The following PRKCI variants were observed in gnomAD, a reference collection of about 807,000 sequenced individuals.
The protein encoded by PRKCI is protein kinase C iota type.
PRKCI carries 43 observed loss-of-function variants against 84.0 expected under a neutral mutation model. The ratio of observed to expected loss-of-function variants is 0.51; its 90% CI spans 0.40 to 0.66. The LOEUF is 0.66. PRKCI is among the 30% of genes least tolerant of loss of function. PRKCI has a pLI of 0.00. For synonymous variants in PRKCI, 216 were observed against 234.4 expected (o/e 0.92, Z 0.72); for missense variants, 459 against 745.6 (o/e 0.62, Z 4.48).
intron 2 of PRKCI, among the ~76,000 whole-genome samples, chr3:170,248,341 C>T (rs2108843042): frequency 6.7e-6 from 1 of 149,030 alleles, no homozygotes; most frequent in South Asian, 2.2e-4. Context: ...AGAACAACAG[C>T]AGCAACAAAA....
Position 170,275,279 on chromosome 3 carries a change from G to T in PRKCI, c.697G>T (p.Glu233Ter). The part of the protein sequence containing the change: ...SHESLDQVGE[E>*]KEAMNTRESG... The stretch of plus-strand genomic sequence containing the variant: ...TGAGAGTTTGGATCAAGTTGGTGAA[G>T]AAAAAGAGGTAAGATAATTTGTCTT... The change falls in exon 8 of 18, where the codon GAA becomes TAA. Residue 233 changes from glutamate (E) to a stop codon, truncating the protein, a stop_gained. Coordinates refer to ENST00000295797, the MANE Select transcript of PRKCI (RefSeq NM_002740.6). LOFTEE classifies it high-confidence loss of function. 1.9e-6 allele frequency: 3 copies of T among 1,592,112 alleles called. No homozygotes were observed. Among genetic ancestry groups the T allele is most frequent in the Non-Finnish European group, 1.7e-6 (2 of 1,170,980 alleles).
intron 7 of PRKCI, 91 bp from the exon 8 acceptor site, chr3:170,275,138 C>T: frequency 1.5e-6 from 2 of 1,347,082 alleles, no homozygotes; most frequent in South Asian, 1.9e-5. Flanking sequence ...AATCAGGAGA[C>T]AATTTTTATT....
chr3:170,250,969 T>C (rs961915519), intron 2 of PRKCI, among the ~76,000 whole-genome samples: 1 of 152,164 alleles, frequency 6.6e-6, no homozygotes, highest in African/African-American at 2.4e-5. Flanking sequence ...TACTAAGACT[T>C]ATAAAATGAG....
intron 16 of PRKCI, 29 bp downstream of exon 16, chr3:170,297,422 A>G: frequency 1.3e-6 from 2 of 1,546,418 alleles, no homozygotes; most frequent in Non-Finnish European, 1.8e-6. Context: ...CTCAACTATT[A>G]GGTTTCATTA....
In PRKCI at chr3:170,275,205, T is replaced by A. The variant is rs745873821; in HGVS notation, c.647-24T>A. ...CCTGCACCTTTTTTTTTTTTTTTTT[T>A]AATGTTTGGTATTGGGTTTTTAGTA... On this transcript the variant is annotated intron_variant, in intron 7 of 17. Transcript: ENST00000295797. The A allele has an allele frequency of 3.9e-5, 58 of 1,482,956 alleles. No homozygotes were observed. In the African/African-American group the frequency reaches 4.1e-4, roughly 10 times the overall value. The allele number at this position is 1,482,956 out of a possible 1,614,324, so 91.9% of individuals were successfully genotyped here.
intron 4 of PRKCI, among the ~76,000 whole-genome samples, chr3:170,263,664 G>C (rs1013856270): frequency 6.6e-6 from 1 of 152,094 alleles, no homozygotes; most frequent in African/African-American, 2.4e-5. Context: ...AATTAGCATG[G>C]TGTGTGCCTA....
At chr3:170,258,821 CTCTG>C (rs1733651979) in intron 2 of PRKCI, among the ~76,000 whole-genome samples, 1 of 152,160 alleles carries the variant, frequency 6.6e-6, no homozygotes, top group South Asian at 2.1e-4. Context: ...TTTGAGGAGG[CTCTG>C]TCATGTGAAA....
intron 15 of PRKCI, among the ~76,000 whole-genome samples, chr3:170,296,456 A>G (rs375448282): frequency 1.2e-4 from 18 of 152,174 alleles, no homozygotes; most frequent in Admixed American, 3.9e-4. Context: ...ATGAAATGCT[A>G]TCTTTGGCTC....
chr3:170,252,265 A>G (rs1467773387), intron 2 of PRKCI, among the ~76,000 whole-genome samples: 1 of 151,470 alleles, frequency 6.6e-6, no homozygotes, highest in Non-Finnish European at 1.5e-5. Context: ...GAATGAATGT[A>G]TGTGTCATAA....
At chr3:170,251,146 A>G (rs1441103255) in intron 2 of PRKCI, among the ~76,000 whole-genome samples, 2 of 152,200 alleles carry the variant, frequency 1.3e-5, no homozygotes, top group Non-Finnish European at 2.9e-5. Context: ...GAAACAAGAA[A>G]CTCAATTGAG....
At chr3:170,235,769 G>C (rs1732958756) in intron 2 of PRKCI, among the ~76,000 whole-genome samples, 1 of 151,898 alleles carries the variant, frequency 6.6e-6, no homozygotes, top group African/African-American at 2.4e-5. Context: ...GTTTCGCTAT[G>C]TTGGCCAAGC....
At chr3:170,228,394 A>G (rs77448098) in intron 1 of PRKCI, among the ~76,000 whole-genome samples, 7,748 of 152,134 alleles carry the variant, frequency 0.051, 404 homozygotes, top group African/African-American at 0.12. Context: ...GAGCCCAGGA[A>G]TTGGAGACCA....
At position 170,231,110 on chromosome 3, in the gene PRKCI, G is replaced by C. The variant is rs551722700; in HGVS notation, c.102-4120G>C. On this transcript the variant is annotated intron_variant, in intron 1 of 17. Coordinates refer to ENST00000295797, the MANE Select transcript of PRKCI (RefSeq NM_002740.6). The stretch of plus-strand genomic sequence containing the variant: ...AAGTAGCTGGGATTACAGGCAAGGC[G>C]CTACCATGCCTGGCTAATTTTTGTA... Among the ~76,000 whole-genome samples the C allele has an allele frequency of 7.0e-4, 106 of 151,598 alleles. 1 individual carries two copies. The highest frequency in any genetic ancestry group is 2.2e-3 in the African/African-American group (93 of 41,352).
intron 8 of PRKCI, among the ~76,000 whole-genome samples, chr3:170,278,297 T>G (rs1485990405): frequency 6.6e-6 from 1 of 152,224 alleles, no homozygotes; most frequent in East Asian, 1.9e-4. Context: ...CTTAACCTTC[T>G]CAAACCTGGT....
chr3:170,250,695 C>T (rs960542487), intron 2 of PRKCI, among the ~76,000 whole-genome samples: 2 of 152,024 alleles, frequency 1.3e-5, no homozygotes, highest in Non-Finnish European at 2.9e-5. Flanking sequence ...AATGTTGCTA[C>T]GAACATTTGG....
intron 1 of PRKCI, among the ~76,000 whole-genome samples, chr3:170,229,363 G>A (rs1399803564): frequency 6.6e-6 from 1 of 152,164 alleles, no homozygotes; most frequent in Non-Finnish European, 1.5e-5. Context: ...GCCTACGCTG[G>A]AGTGCAGTGG....
chr3:170,273,291 A>G lies in PRKCI; in HGVS notation c.597A>G (p.Pro199=). The G allele has an allele frequency of 6.2e-7, 1 of 1,613,604 alleles. No homozygotes were observed. Among genetic ancestry groups the G allele is most frequent in the Non-Finnish European group, 8.5e-7 (1 of 1,179,620 alleles). The change falls in exon 7 of 18, where the codon CCA becomes CCG. Residue 199 remains proline, a synonymous_variant. Transcript: ENST00000295797. The stretch of plus-strand genomic sequence containing the variant: ...GTCTTTGGAAATGTTTGTAGGAACC[A>G]GTGATGCCCATGGATCAGTCATCCA... ...ECGRHSLPQE[P]VMPMDQSSMH... is the part of the protein sequence containing the mutation.
intron 2 of PRKCI, among the ~76,000 whole-genome samples, chr3:170,241,181 C>A (rs1460881600): frequency 6.6e-6 from 1 of 152,060 alleles, no homozygotes; most frequent in East Asian, 1.9e-4. Context: ...ATACTTATTT[C>A]TTTGTGGTGA....
chr3:170,238,682 C>G (rs960485825), intron 2 of PRKCI, among the ~76,000 whole-genome samples: 2 of 151,298 alleles, frequency 1.3e-5, no homozygotes, highest in Non-Finnish European at 2.9e-5. Context: ...ACCTCCTCCT[C>G]CTTGGTTCAA....
Sources: gnomAD v4.1 joint callset for allele counts (sites outside exome capture counted in the v4.1 genomes callset) on GRCh38, gnomAD v4.1.1 for gene constraint, MANE v1.5 for transcripts, NCBI Gene and HGNC (gene_info 2026-07-23, HGNC 2026-07-21) for gene names.